MYO7A: variants seen among roughly 807,000 people sequenced by gnomAD.
MYO7A encodes unconventional myosin-VIIa.
Under a neutral mutation model 263.8 loss-of-function variants are expected in MYO7A, and 210 were observed. The observed-to-expected ratio is 0.80, with a 90% confidence interval of 0.71 to 0.89. The LOEUF (loss-of-function observed/expected upper bound fraction) is 0.89. MYO7A is among the 40% of genes least tolerant of loss of function. The pLI, the probability that MYO7A is intolerant of heterozygous loss-of-function variation, is 0.00. For synonymous variants in MYO7A, 1,239 were observed against 1,197.3 expected, an observed-to-expected ratio of 1.03 and a Z score of -0.72; for missense variants, 2,820 against 2,968.3, an observed-to-expected ratio of 0.95 and a Z score of 1.16.
chr11:77,183,014 C>G lies in MYO7A; in HGVS notation c.3286-54C>G, dbSNP rs1415255565. ...CCCGCAAAGTCTTGCTGTCGGGGGT[C>G]TCGACATTGCTTTCTGCTCAGCCAC... On this transcript the variant is annotated intron_variant, in intron 25 of 48. Transcript: ENST00000409709. 3 of 1,464,298 alleles carry G rather than the reference C, an allele frequency of 2.0e-6. No individual in the cohort carries two copies. The African/African-American group carries it at 4.2e-5, about 21-fold the overall frequency. 90.7% of individuals were successfully genotyped at this position (1,464,298 alleles called of 1,614,324 possible).
chr11:77,146,657 G>T (rs1187130975), intron 3 of MYO7A, among the ~76,000 whole-genome samples: 2 of 152,108 alleles, frequency 1.3e-5, no homozygotes, highest in African/African-American at 4.8e-5. Flanking sequence ...AGCAGGTGGG[G>T]GAGGACATGG....
chr11:77,158,281 A>T lies in MYO7A; in HGVS notation c.854A>T (p.Asn285Ile). 6.3e-7 allele frequency: 1 copy of T among 1,596,784 alleles called. No individual in the cohort carries two copies. Among genetic ancestry groups the T allele is most frequent in the Non-Finnish European group, 8.6e-7 (1 of 1,167,732 alleles). ...CTCTCCCACCCTGCCCACCAGGGTA[A>T]CTGCATAACCTGTGAGGGCCGGGTG... The part of the protein sequence containing the change: ...ASDYNYLAMG[N>I]CITCEGRVDS... The change falls in exon 9 of 49, where the codon AAC (asparagine) becomes ATC (isoleucine). Residue 285 changes from asparagine (N) to isoleucine (I), a missense_variant. Transcript: ENST00000409709.
At chr11:77,136,704 A>G (rs1950916799) in intron 2 of MYO7A, among the ~76,000 whole-genome samples, 2 of 152,240 alleles carry the variant, frequency 1.3e-5, no homozygotes, top group African/African-American at 4.8e-5. Context: ...AGCACGTGGA[A>G]GCAGTGTCAT....
chr11:77,142,770 T>A lies in MYO7A; in HGVS notation c.80T>A (p.Val27Glu), dbSNP rs1951305171. ...GAGTTCGACGTGCCCATCGGGGCGG[T>A]GGTGAAGCTCTGCGACTCTGGGCAG... The part of the protein sequence containing the change: ...GQEFDVPIGA[V>E]VKLCDSGQVQ... The change falls in exon 3 of 49, where the codon GTG (valine) becomes GAG (glutamate). Residue 27 changes from valine (V) to glutamate (E), a missense_variant. By Grantham distance (121) the Val-to-Glu change is moderately radical. Transcript: ENST00000409709. 2 of 1,611,888 alleles carry A rather than the reference T, an allele frequency of 1.2e-6. No individual in the cohort carries two copies. Among genetic ancestry groups the A allele is most frequent in the Non-Finnish European group, 8.5e-7 (1 of 1,179,242 alleles).
rs1555090376 is a variant in MYO7A, at chr11:77,189,427, C to G, written c.3587C>G (p.Ser1196Cys). ...TATGCCCGGGGCTGGATTCTCGTGT[C>G]TCTCTGCGTGGGCTGTTTCGCCCCC... is the stretch of plus-strand genomic sequence containing the variant. ...SSYARGWILVSLCVGCFAPSE... is the reference protein window; with the variant it reads ...SSYARGWILVCLCVGCFAPSE... The change falls in exon 28 of 49, where the codon TCT (serine) becomes TGT (cysteine). Residue 1196 changes from serine to cysteine, a missense_variant. By Grantham distance (112) the Ser-to-Cys change is moderately radical. Transcript: ENST00000409709. The G allele has an allele frequency of 2.5e-6, 4 of 1,613,826 alleles. No individual in the cohort carries two copies. The South Asian group carries it at 4.4e-5, about 18-fold the overall frequency.
intron 17 of MYO7A, among the ~76,000 whole-genome samples, chr11:77,175,149 G>A (rs748717244): frequency 2.0e-5 from 3 of 152,198 alleles, no homozygotes; most frequent in Non-Finnish European, 4.4e-5. Context: ...GGGCTGCCAC[G>A]CGGGCCCTGG....
intron 1 of MYO7A, 51 bp from the exon 2 acceptor site, chr11:77,130,538 G>A: frequency 1.4e-6 from 2 of 1,468,284 alleles, no homozygotes; most frequent in Admixed American, 1.9e-5. Context: ...CAGGCTCAAG[G>A]CTTCCAGGGC....
At chr11:77,193,047 A>AGGT (rs1394345542) in intron 31 of MYO7A, among the ~76,000 whole-genome samples, 1 of 134,142 alleles carries the variant, frequency 7.5e-6, no homozygotes. Flanking sequence ...GTGATGGTGG[A>AGGT]GGTGGTGATG....
intron 19 of MYO7A, among the ~76,000 whole-genome samples, chr11:77,178,603 C>T (rs1022867064): frequency 1.3e-5 from 2 of 152,214 alleles, no homozygotes; most frequent in African/African-American, 2.4e-5. Context: ...GATGACTGTT[C>T]TCCTATAGAA....
At chr11:77,159,403 G>GGGCCC in intron 9 of MYO7A, 44 bp from the exon 10 acceptor site, 6 of 711,710 alleles carry the variant, frequency 8.4e-6, no homozygotes, top group South Asian at 1.4e-5. Flanking sequence ...TGCCCCTGTT[G>GGGCCC]CCCACCCTCC....
At chr11:77,168,929 C>T (rs1192843298) in intron 15 of MYO7A, among the ~76,000 whole-genome samples, 9 of 152,142 alleles carry the variant, frequency 5.9e-5, no homozygotes, top group Non-Finnish European at 1.3e-4. Flanking sequence ...CATATACAAG[C>T]GAGGGCTAAA....
intron 9 of MYO7A, 35 bp from the exon 10 acceptor site, chr11:77,159,411 TC>T: frequency 2.2e-6 from 1 of 448,062 alleles, no homozygotes; most frequent in Non-Finnish European, 4.1e-6. Context: ...TTGCCCACCC[TC>T]CCTCCCCTGA....
chr11:77,134,157 CTGACCTAAAG>C (rs1405067514), intron 2 of MYO7A, among the ~76,000 whole-genome samples: 1 of 152,202 alleles, frequency 6.6e-6, no homozygotes, highest in Non-Finnish European at 1.5e-5. Flanking sequence ...TCTCAAACTC[CTGACCTAAAG>C]TGATCTGCCT....
chr11:77,154,755 T>A (rs1373596817), intron 4 of MYO7A, among the ~76,000 whole-genome samples: 1 of 152,074 alleles, frequency 6.6e-6, no homozygotes, highest in East Asian at 1.9e-4. Context: ...AAGGTCTTCC[T>A]GGGCCCAGGG....
intron 16 of MYO7A, among the ~76,000 whole-genome samples, chr11:77,174,353 A>T (rs1445484562): frequency 6.6e-6 from 1 of 152,124 alleles, no homozygotes; most frequent in African/African-American, 2.4e-5. Flanking sequence ...CTTGGCCTGG[A>T]CGAGCCTCTC....
Position 77,198,578 on chromosome 11 carries a change from C to T in MYO7A, c.4525C>T (p.Leu1509=). The T allele has an allele frequency of 6.2e-7, 1 of 1,613,926 alleles. No homozygotes were observed. The highest frequency in any genetic ancestry group is 1.1e-5 in the South Asian group (1 of 91,076). ...YFVDEQEQVL[L]ELSFPEIMAV... is the part of the protein sequence containing the mutation. ...TGTGGATGAGCAGGAGCAGGTACTT[C>T]TGGAGCTGTCCTTCCCAGAGATCAT... The change falls in exon 34 of 49, where the codon CTG becomes TTG. Residue 1509 remains leucine (L), a synonymous_variant. Coordinates refer to ENST00000409709, the MANE Select transcript of MYO7A (RefSeq NM_000260.4).
chr11:77,163,031 C>T, intron 14 of MYO7A, 43 bp downstream of exon 14: 2 of 1,602,440 alleles, frequency 1.2e-6, no homozygotes, highest in Non-Finnish European at 1.7e-6. Flanking sequence ...TGCCCGTGGC[C>T]CTGCCTTCCC....
intron 35 of MYO7A, among the ~76,000 whole-genome samples, chr11:77,201,084 A>G (rs1374026209): frequency 6.6e-6 from 1 of 152,232 alleles, no homozygotes; most frequent in African/African-American, 2.4e-5. Flanking sequence ...GCAGAGAGCT[A>G]AGCGTGATGC....
At chr11:77,148,067 G>A (rs1951711768) in intron 4 of MYO7A, 117 bp downstream of exon 4, 1 of 975,680 alleles carries the variant, frequency 1.0e-6, no homozygotes, top group Non-Finnish European at 1.4e-6. Flanking sequence ...TGCCTCCTGA[G>A]ACTTTGTCCG....
Sources: allele counts gnomAD v4.1 joint callset (sites outside exome capture counted in the v4.1 genomes callset), GRCh38; gene constraint gnomAD v4.1.1; transcripts MANE v1.5; gene names NCBI Gene and HGNC (gene_info 2026-07-23, HGNC 2026-07-21).